Variants in APPL2 observed in about 807,000 individuals in gnomAD.
APPL2 encodes the protein adaptor protein, phosphotyrosine interacting with PH domain and leucine zipper 2, also known as DCC-interacting protein 13-beta.
APPL2 carries 84 observed loss-of-function variants against 92.7 expected under a neutral mutation model. The observed-to-expected ratio is 0.91, with a 90% CI of 0.76 to 1.09. The LOEUF (loss-of-function observed/expected upper bound fraction) is 1.09. Ranked by LOEUF, APPL2 falls within the 50% of genes least tolerant of loss-of-function variation. The probability of loss-of-function intolerance (pLI) is 0.00; values close to 1 mark genes in which losing one functional copy is unlikely to be tolerated. For synonymous variants in APPL2, 291 were observed against 291.0 expected, an observed-to-expected ratio of 1.00 and a Z score of 0.00; for missense variants, 736 against 824.5, an observed-to-expected ratio of 0.89 and a Z score of 1.31.
intron 1 of APPL2, among the ~76,000 whole-genome samples, chr12:105,232,375 A>T (rs1255848812): frequency 6.6e-6 from 1 of 152,224 alleles, no homozygotes. Context: ...ACACTCCTAG[A>T]CATTCTCAAG....
intron 9 of APPL2, among the ~76,000 whole-genome samples, chr12:105,202,198 C>T (rs1888267377): frequency 6.6e-6 from 1 of 152,218 alleles, no homozygotes; most frequent in Admixed American, 6.5e-5. Context: ...TACAGCTTGT[C>T]AGACAGAGGG....
At chr12:105,184,609 C>T (rs991417795) in intron 17 of APPL2, among the ~76,000 whole-genome samples, 4 of 152,218 alleles carry the variant, frequency 2.6e-5, no homozygotes, top group African/African-American at 4.8e-5. Context: ...AGACTGCTGC[C>T]TGCTCCTTCC....
chr12:105,224,694 TAAGA>T (rs912994341), intron 2 of APPL2, among the ~76,000 whole-genome samples: 36 of 152,310 alleles, frequency 2.4e-4, no homozygotes, highest in African/African-American at 7.2e-4. Flanking sequence ...TTTATGTGCC[TAAGA>T]AAGGCCACTA....
At chr12:105,188,887 T>G (rs886206389) in intron 16 of APPL2, among the ~76,000 whole-genome samples, 1 of 152,242 alleles carries the variant, frequency 6.6e-6, no homozygotes, top group Non-Finnish European at 1.5e-5. Flanking sequence ...AATTCATACT[T>G]CATGTGTATT....
chr12:105,174,492 G>A lies in APPL2; in HGVS notation c.1861-44C>T, dbSNP rs778823375. On this transcript the variant is annotated intron_variant, in intron 20 of 20. Transcript: ENST00000258530. The stretch of plus-strand genomic sequence containing the variant: ...AAAAGGGAAAAAAGAAAAGGCTTAA[G>A]ATGCATTTAAACCCCTTTGGCCTGG... The A allele has an allele frequency of 1.4e-5, 22 of 1,591,946 alleles. No individual in the cohort carries two copies. The East Asian group carries it at 4.3e-4, about 31-fold the overall frequency.
rs747934315 is a variant in APPL2 at position 105,188,337 on chromosome 12, G to T, written c.1570C>A (p.Arg524=). The part of the protein sequence containing the change: ...YEAMRQVLAA[R]AIHNIFRMTE... The stretch of plus-strand genomic sequence containing the variant: ...ATGCGGAAGATGTTATGAATAGCCC[G>T]AGCAGCCAATACTTGTCTCATCGCT... Residue 524 remains arginine (R), a synonymous_variant, in exon 17 of 21, where the codon CGG becomes AGG. Transcript: ENST00000258530. 27 of 1,614,024 alleles carry T rather than the reference G, an allele frequency of 1.7e-5. No homozygotes were observed. Among genetic ancestry groups the T allele is most frequent in the Non-Finnish European group, 1.2e-5 (14 of 1,180,024 alleles).
Position 105,236,113 on chromosome 12 carries a change from G to T in APPL2, c.-101C>A. Reference sequence around the variant, plus strand: ...GGCTCTGGGCTCAGGCGACGCGGCGGCCACTCCGTGCCCGCGGCGGCCCCG... The same window carrying T: ...GGCTCTGGGCTCAGGCGACGCGGCGTCCACTCCGTGCCCGCGGCGGCCCCG... On this transcript the variant is annotated 5_prime_UTR_variant, in exon 1 of 21. Coordinates refer to ENST00000258530, the MANE Select transcript of APPL2 (RefSeq NM_018171.5). The T allele has an allele frequency of 1.2e-6, 1 of 845,268 alleles. No individual in the cohort carries two copies. Among genetic ancestry groups the T allele is most frequent in the Non-Finnish European group, 1.5e-6 (1 of 654,596 alleles). The allele number at this position is 845,268 out of a possible 1,614,324, so 52.4% of individuals were successfully genotyped here.
chr12:105,174,249 GACGTTAAA>G lies in APPL2; in HGVS notation c.*57_*64del. ...CAGGTCAGTGTGCCTGTATGTCAGA[GACGTTAAA>G]ACCCTTAGGAGGTAGCTCTCCTTCC... On this transcript the variant is annotated 3_prime_UTR_variant, in exon 21 of 21. Coordinates refer to ENST00000258530, the MANE Select transcript of APPL2 (RefSeq NM_018171.5). 1 of 1,565,606 alleles carries G rather than the reference GACGTTAAA, an allele frequency of 6.4e-7. No individual in the cohort carries two copies. The highest frequency in any genetic ancestry group is 8.6e-7 in the Non-Finnish European group (1 of 1,157,194).
intron 4 of APPL2, among the ~76,000 whole-genome samples, chr12:105,215,908 T>C (rs1205359230): frequency 1.3e-5 from 2 of 151,976 alleles, no homozygotes; most frequent in Non-Finnish European, 1.5e-5. Flanking sequence ...CCGGGCGTAG[T>C]CCCAGCTACT....
intron 5 of APPL2, among the ~76,000 whole-genome samples, chr12:105,210,305 C>T (rs113351975): frequency 2.1e-3 from 325 of 152,232 alleles, no homozygotes; most frequent in African/African-American, 7.6e-3. Flanking sequence ...GCAACCTTCT[C>T]CGCCCCAACC....
At position 105,175,964 on chromosome 12, in the gene APPL2, A is replaced by C. The variant is rs561107400; in HGVS notation, c.1860+71T>G. 14 of 1,401,178 alleles carry C rather than the reference A, an allele frequency of 1.0e-5. No homozygotes were observed. The South Asian group carries it at 1.6e-4, about 16-fold the overall frequency. The allele number at this position is 1,401,178 out of a possible 1,614,324, so 86.8% of individuals were successfully genotyped here. A position where few individuals can be genotyped will look rare whatever the true frequency, so the allele number is the denominator to read the frequency against. ...CCAGTGAACATCACTTTTCTTTTTG[A>C]AAAGACTCTTGGTATGTGTACACAG... On this transcript the variant is annotated intron_variant, in intron 20 of 20. Coordinates refer to ENST00000258530, the MANE Select transcript of APPL2 (RefSeq NM_018171.5).
rs143947108 is a variant in APPL2, at chr12:105,229,144, T to C, written c.134A>G (p.Gln45Arg). The change falls in exon 2 of 21, where the codon CAG (glutamine) becomes CGG (arginine). Residue 45 changes from glutamine to arginine, a missense_variant. Coordinates refer to ENST00000258530, the MANE Select transcript of APPL2 (RefSeq NM_018171.5). The part of the protein sequence containing the change: ...DYTNQLLQAM[Q>R]RVYGAQNEMC... ...GCATACCTGGGCTCCATAGACGCGC[T>C]GCATTGCCTGGAGCAGCTGGTTGGT... The C allele has an allele frequency of 1.9e-6, 3 of 1,612,442 alleles. No homozygotes were observed. Among genetic ancestry groups the C allele is most frequent in the African/African-American group, 2.7e-5 (2 of 74,880 alleles).
Position 105,208,170 on chromosome 12 carries a change from G to A in APPL2, c.403C>T (p.Leu135Phe), listed in dbSNP as rs763817604. The part of the protein sequence containing the change: ...EVSTLKDLFG[L>F]ASNEHDLSMA... ...AGAAGGTGCCTACCATTGCTAGCGAGTCCAAATAGATCCTTTAAAGTGCTT... is the reference window on the plus strand; with the variant it reads ...AGAAGGTGCCTACCATTGCTAGCGAATCCAAATAGATCCTTTAAAGTGCTT... Residue 135 changes from leucine (L) to phenylalanine (F), a missense_variant, in exon 6 of 21, where the codon CTC becomes TTC. Leu to Phe is a conservative substitution (Grantham distance 22). Coordinates refer to ENST00000258530, the MANE Select transcript of APPL2 (RefSeq NM_018171.5). 3 of 1,614,220 alleles carry A rather than the reference G, an allele frequency of 1.9e-6. No homozygotes were observed. Among genetic ancestry groups the A allele is most frequent in the Non-Finnish European group, 2.5e-6 (3 of 1,180,036 alleles).
rs572723209 is a variant in APPL2, at chr12:105,183,572, T to C, written c.1634+4701A>G. 2.0e-4 allele frequency among the ~76,000 whole-genome samples: 30 copies of C among 152,362 alleles called. No homozygotes were observed. In the South Asian group the frequency reaches 6.2e-3, roughly 32 times the overall value. ...TTGAAAATTCTTTTCCTTAAGAATGTTAAATGTGTGCCCCCACTCTTTTCT... is the reference window on the plus strand; with the variant it reads ...TTGAAAATTCTTTTCCTTAAGAATGCTAAATGTGTGCCCCCACTCTTTTCT... On this transcript the variant is annotated intron_variant, in intron 17 of 20. Coordinates refer to ENST00000258530, the MANE Select transcript of APPL2 (RefSeq NM_018171.5).
intron 1 of APPL2, chr12:105,232,992 T>C (rs1891031108): frequency 1.4e-6 from 1 of 724,742 alleles, no homozygotes; most frequent in African/African-American, 1.9e-5. Context: ...TTTTATTTCT[T>C]TGTTCCGTTA....
At chr12:105,233,360 G>C (rs1891057558) in intron 1 of APPL2, 4 of 985,442 alleles carry the variant, frequency 4.1e-6, no homozygotes, top group Non-Finnish European at 4.8e-6. Flanking sequence ...ACATATGAGA[G>C]GTAAGCAGAA....
chr12:105,233,504 A>G, intron 1 of APPL2: 2 of 605,464 alleles, frequency 3.3e-6, no homozygotes, highest in Non-Finnish European at 4.1e-6. Flanking sequence ...ACTCAGTTCA[A>G]TTACAAAAGC....
chr12:105,212,599 C>T (rs1439626609), intron 4 of APPL2, among the ~76,000 whole-genome samples: 1 of 152,194 alleles, frequency 6.6e-6, no homozygotes, highest in Non-Finnish European at 1.5e-5. Flanking sequence ...GGAATCTAGA[C>T]GTTGGCAATG....
intron 13 of APPL2, 24 bp downstream of exon 13, chr12:105,195,421 G>A: frequency 6.2e-7 from 1 of 1,614,172 alleles, no homozygotes; most frequent in Non-Finnish European, 8.5e-7. Context: ...GAAAAGGGCT[G>A]AGATGCCGGT....
Sources: gnomAD v4.1 joint callset for allele counts (sites outside exome capture counted in the v4.1 genomes callset) on GRCh38, gnomAD v4.1.1 for gene constraint, MANE v1.5 for transcripts, NCBI Gene and HGNC (gene_info 2026-07-23, HGNC 2026-07-21) for gene names.